CACNA1E: variants seen among roughly 807,000 people sequenced by gnomAD.
CACNA1E encodes calcium voltage-gated channel subunit alpha1 E, also known as voltage-dependent R-type calcium channel subunit alpha-1E.
In CACNA1E, 40 loss-of-function variants were observed where a neutral mutation model predicts 259.2. That is an observed-to-expected ratio of 0.15 (90% CI 0.12 to 0.20). The LOEUF (loss-of-function observed/expected upper bound fraction) is 0.20, where lower values mean the gene tolerates loss of function less well. Ranked by LOEUF, CACNA1E falls within the 10% of genes least tolerant of loss-of-function variation. The pLI, the probability that CACNA1E is intolerant of heterozygous loss-of-function variation, is 1.00. For synonymous variants in CACNA1E, 1,104 were observed against 1,138.5 expected (o/e 0.97, Z 0.61); for missense variants, 1,874 against 3,040.1 (o/e 0.62, Z 9.02).
intron 2 of CACNA1E, among the ~76,000 whole-genome samples, chr1:181,453,730 C>G (rs982275574): frequency 6.6e-6 from 1 of 152,166 alleles, no homozygotes; most frequent in Non-Finnish European, 1.5e-5. Context: ...AGAGCTGACC[C>G]TGATAAATCT....
chr1:181,391,132 C>A (rs916486931), intron 1 of CACNA1E, among the ~76,000 whole-genome samples: 5 of 152,198 alleles, frequency 3.3e-5, no homozygotes, highest in African/African-American at 1.2e-4. Flanking sequence ...TATTCATTGC[C>A]ACCACTGGAG....
chr1:181,684,486 G>A (rs1650309563), intron 7 of CACNA1E, among the ~76,000 whole-genome samples: 1 of 151,960 alleles, frequency 6.6e-6, no homozygotes, highest in African/African-American at 2.4e-5. Context: ...ATTTAATTAG[G>A]TCCTACTTGT....
intron 1 of CACNA1E, among the ~76,000 whole-genome samples, chr1:181,507,358 G>A (rs1336012681): frequency 1.3e-5 from 2 of 152,230 alleles, no homozygotes; most frequent in East Asian, 3.8e-4. Flanking sequence ...ACCTTCCTGA[G>A]CTAGCCTGTG....
chr1:181,784,314 G>C (rs1294320925), intron 40 of CACNA1E, among the ~76,000 whole-genome samples: 1 of 152,162 alleles, frequency 6.6e-6, no homozygotes, highest in Non-Finnish European at 1.5e-5. Context: ...TGGAGGGATT[G>C]ATGTATGGAT....
At chr1:181,743,597 G>A (rs777194887) in intron 25 of CACNA1E, among the ~76,000 whole-genome samples, 53 of 152,202 alleles carry the variant, frequency 3.5e-4, no homozygotes, top group Non-Finnish European at 7.3e-5. Flanking sequence ...TGTGTTTCAT[G>A]TCTAGTGAAG....
intron 1 of CACNA1E, among the ~76,000 whole-genome samples, chr1:181,495,896 C>T (rs1227093253): frequency 6.6e-6 from 1 of 152,162 alleles, no homozygotes; most frequent in Non-Finnish European, 1.5e-5. Flanking sequence ...TAAGTGCTGC[C>T]CATGAGTTAT....
At chr1:181,568,225 G>A (rs927776354) in intron 3 of CACNA1E, among the ~76,000 whole-genome samples, 3 of 152,150 alleles carry the variant, frequency 2.0e-5, no homozygotes, top group Non-Finnish European at 4.4e-5. Flanking sequence ...AGGGGAGTCT[G>A]GAGAGCTGCC....
chr1:181,663,623 T>C (rs1028444087), intron 7 of CACNA1E, among the ~76,000 whole-genome samples: 6 of 152,172 alleles, frequency 3.9e-5, no homozygotes, highest in African/African-American at 1.4e-4. Context: ...TGCAGAGAAC[T>C]GAGGAAGAGG....
At chr1:181,592,737 G>C (rs1433274931) in intron 6 of CACNA1E, among the ~76,000 whole-genome samples, 7 of 151,978 alleles carry the variant, frequency 4.6e-5, no homozygotes, top group Non-Finnish European at 8.8e-5. Flanking sequence ...GCTTGACCAA[G>C]GACAGCCACT....
chr1:181,781,863 A>G (rs1167527408), intron 39 of CACNA1E, among the ~76,000 whole-genome samples: 1 of 152,188 alleles, frequency 6.6e-6, no homozygotes, highest in Non-Finnish European at 1.5e-5. Context: ...GGGATGGCAT[A>G]TATGGGCAAG....
At chr1:181,417,177 T>C (rs1283398984) in intron 2 of CACNA1E, among the ~76,000 whole-genome samples, 3 of 152,228 alleles carry the variant, frequency 2.0e-5, no homozygotes, top group East Asian at 3.9e-4. Context: ...AAGACACTGA[T>C]CCTATTACCT....
At chr1:181,577,670 T>C in intron 3 of CACNA1E, 96 bp from the exon 4 acceptor site, 1 of 751,976 alleles carries the variant, frequency 1.3e-6, no homozygotes, top group East Asian at 2.8e-5. Flanking sequence ...CGCTGTGTGC[T>C]TTCCAGGCTG....
intron 2 of CACNA1E, among the ~76,000 whole-genome samples, chr1:181,419,926 G>C (rs1658598363): frequency 3.9e-5 from 6 of 152,184 alleles, no homozygotes; most frequent in Admixed American, 3.9e-4. Flanking sequence ...CCTCCCTTCT[G>C]TCTCCTGCCT....
At chr1:181,708,794 TA>T (rs1653051107) in intron 7 of CACNA1E, among the ~76,000 whole-genome samples, 1 of 152,216 alleles carries the variant, frequency 6.6e-6, no homozygotes, top group African/African-American at 2.4e-5. Flanking sequence ...AGAATGGTTG[TA>T]AAGATTAAAT....
chr1:181,319,956 C>T (rs1370306164), intron 1 of CACNA1E, among the ~76,000 whole-genome samples: 1 of 152,204 alleles, frequency 6.6e-6, no homozygotes, highest in Non-Finnish European at 1.5e-5. Context: ...TCTGAAATGC[C>T]CATTCCTGGA....
At chr1:181,706,013 G>T (rs757538919) in intron 7 of CACNA1E, among the ~76,000 whole-genome samples, 13 of 151,924 alleles carry the variant, frequency 8.6e-5, no homozygotes, top group Non-Finnish European at 1.9e-4. Flanking sequence ...CTTGATTTCT[G>T]TTGCATCTCT....
chr1:181,654,231 A>G (rs1297551216), intron 7 of CACNA1E, among the ~76,000 whole-genome samples: 1 of 149,986 alleles, frequency 6.7e-6, no homozygotes, highest in Non-Finnish European at 1.5e-5. Flanking sequence ...AAAGTAATAT[A>G]TATATACTTA....
chr1:181,655,454 A>G lies in CACNA1E; in HGVS notation c.1055+4013A>G, dbSNP rs527785113. Among the ~76,000 whole-genome samples, 10 of 152,360 alleles carry G rather than the reference A, an allele frequency of 6.6e-5. No individual in the cohort carries two copies. In the South Asian group the frequency reaches 1.0e-3, roughly 16 times the overall value. ...AACACTGAAAGTTAGTAACAAATAG[A>G]TAAGTTCTTAAAACTTTCATAAGGA... On this transcript the variant is annotated intron_variant, in intron 7 of 47. Transcript: ENST00000367573.
At position 181,758,920 on chromosome 1, in the gene CACNA1E, C is replaced by A; in HGVS notation, c.4605+52C>A. 2.0e-6 allele frequency: 2 copies of A among 995,888 alleles called. No individual in the cohort carries two copies. Among genetic ancestry groups the A allele is most frequent in the African/African-American group, 1.6e-5 (1 of 62,010 alleles). The allele number at this position is 995,888 out of a possible 1,614,324, so 61.7% of individuals were successfully genotyped here. On this transcript the variant is annotated intron_variant, in intron 32 of 47. Transcript: ENST00000367573. The surrounding 1 kb of genome is among the most constrained non-coding windows in gnomAD (Gnocchi z 4.2). Reference sequence around the variant, plus strand: ...TGGGCTTGTCTCTTTCTGTTGGGTGCCTTCCCAGTCTTTGTTGAAGGGGAG... The same window carrying A: ...TGGGCTTGTCTCTTTCTGTTGGGTGACTTCCCAGTCTTTGTTGAAGGGGAG...
Sources: gnomAD v4.1 joint callset for allele counts (sites outside exome capture counted in the v4.1 genomes callset) on GRCh38, gnomAD v4.1.1 for gene constraint, Gnocchi (gnomAD v3.1) non-coding constraint, MANE v1.5 for transcripts, NCBI Gene and HGNC (gene_info 2026-07-23, HGNC 2026-07-21) for gene names.